ZNF318: variants seen among roughly 807,000 people sequenced by gnomAD.
The protein encoded by ZNF318 is zinc finger protein 318.
In ZNF318, 51 loss-of-function variants were observed where a neutral mutation model predicts 124.2. That is an observed-to-expected ratio of 0.41 (90% CI 0.33 to 0.52). ZNF318 has a LOEUF of 0.52. Among genes scored for constraint, ZNF318 ranks in the 20% least tolerant of loss-of-function variants. The pLI is 0.23. For missense variants in ZNF318, 2,815 were observed against 2,811.2 expected (o/e 1.00, Z -0.03); for synonymous variants, 1,090 against 1,040.7 (o/e 1.05, Z -0.91).
chr6:43,361,559 T>C (rs771940833), intron 2 of ZNF318, among the ~76,000 whole-genome samples: 40 of 152,000 alleles, frequency 2.6e-4, no homozygotes, highest in Non-Finnish European at 5.3e-4. Flanking sequence ...AGCAAGACAT[T>C]GTCTTTTAAA....
chr6:43,339,983 C>T lies in ZNF318; in HGVS notation c.4015G>A (p.Val1339Ile). The T allele has an allele frequency of 1.2e-6, 2 of 1,614,182 alleles. No homozygotes were observed. The highest frequency in any genetic ancestry group is 1.7e-6 in the Non-Finnish European group (2 of 1,180,024). The stretch of plus-strand genomic sequence containing the variant: ...TTAGTCTGTGTGGAAGTTGTCACAA[C>T]AGGCATCCAAGGGCTGGTATGTGCA... ...VVAHTSPWMPVVTTSTQTKIR... is the reference protein window; with the variant it reads ...VVAHTSPWMPIVTTSTQTKIR... Residue 1339 changes from valine to isoleucine, a missense_variant, in exon 10 of 10, where the codon GTT becomes ATT. This residue lies in a region of ZNF318 where 500 missense variants were observed against 605.2 expected (regional missense o/e 0.83). Transcript: ENST00000361428. The surrounding 1 kb of genome is among the most constrained non-coding windows in gnomAD (Gnocchi z 4.2).
intron 3 of ZNF318, 54 bp from the exon 4 acceptor site, chr6:43,356,199 T>C: frequency 6.6e-7 from 1 of 1,524,936 alleles, no homozygotes; most frequent in African/African-American, 1.4e-5. Context: ...AGAACATTAG[T>C]AATTGAGATA....
chr6:43,340,753 A>G (rs1332742340), intron 9 of ZNF318, 37 bp downstream of exon 9: 1 of 1,576,186 alleles, frequency 6.3e-7, no homozygotes, highest in Admixed American at 1.7e-5. Context: ...TTACTTCAGA[A>G]AAGTTGGAAA....
At chr6:43,360,425 A>C (rs2150756411) in intron 2 of ZNF318, among the ~76,000 whole-genome samples, 1 of 152,336 alleles carries the variant, frequency 6.6e-6, no homozygotes, top group African/African-American at 2.4e-5. Context: ...CTATACCCTG[A>C]AAGAGTCCAG....
intron 8 of ZNF318, among the ~76,000 whole-genome samples, 166 bp downstream of exon 8, chr6:43,341,946 A>G (rs1779377922): frequency 6.6e-6 from 1 of 152,146 alleles, no homozygotes; most frequent in Non-Finnish European, 1.5e-5. Flanking sequence ...ATCTCTTTAT[A>G]GCTTCAGGAC....
In ZNF318 at chr6:43,355,671, G is replaced by A. The variant is rs200417475; in HGVS notation, c.1663C>T (p.Leu555Phe). ...ATAACTTCACTCTCAGAGCTCCCAA[G>A]GGGCTTTGGTACGGATTCTGCCTTT... ...DLKAESVPKP[L>F]GSSESEVMRQ... Residue 555 changes from leucine (L) to phenylalanine (F), a missense_variant, in exon 4 of 10, where the codon CTT becomes TTT. By Grantham distance (22) the Leu-to-Phe change is conservative. Transcript: ENST00000361428. The A allele has an allele frequency of 1.2e-6, 2 of 1,614,178 alleles. No individual in the cohort carries two copies. Among genetic ancestry groups the A allele is most frequent in the East Asian group, 4.5e-5 (2 of 44,892 alleles).
Position 43,352,471 on chromosome 6 carries a change from A to G in ZNF318, c.2676T>C (p.Ile892=). 6.2e-7 allele frequency: 1 copy of G among 1,613,786 alleles called. No homozygotes were observed. The highest frequency in any genetic ancestry group is 8.5e-7 in the Non-Finnish European group (1 of 1,179,780). Residue 892 remains isoleucine (I), a synonymous_variant, in exon 5 of 10, where the codon ATT becomes ATC. Transcript: ENST00000361428. The part of the protein sequence containing the change: ...KNRASQKQKV[I]EEREKLKNDR... ...CATTCTTTAGTTTTTCCCTCTCTTC[A>G]ATAACCTGCAAAATACAAAGTGGTA...
rs745799481 is a variant in ZNF318, at chr6:43,339,220, C to T, written c.4778G>A (p.Gly1593Asp). ...TKGAPETKLS[G>D]GPLANGENSN... Reference sequence around the variant, plus strand: ...ATTTTCCCCATTGGCCAATGGACCACCACTTAGCTTAGTCTCAGGGGCCCC... The same window carrying T: ...ATTTTCCCCATTGGCCAATGGACCATCACTTAGCTTAGTCTCAGGGGCCCC... Residue 1593 changes from glycine to aspartate, a missense_variant, in exon 10 of 10, where the codon GGT becomes GAT. Gly to Asp is a moderately conservative substitution (Grantham distance 94, BLOSUM62 -1). Coordinates refer to ENST00000361428, the MANE Select transcript of ZNF318 (RefSeq NM_014345.3). This position sits in a 1 kb window ranked among gnomAD's most constrained non-coding sequence, Gnocchi z 4.2. 4 of 1,614,090 alleles carry T rather than the reference C, an allele frequency of 2.5e-6. No homozygotes were observed. The African/African-American group carries it at 5.3e-5, about 22-fold the overall frequency.
intron 1 of ZNF318, among the ~76,000 whole-genome samples, chr6:43,366,609 C>A (rs1779764484): frequency 6.6e-6 from 1 of 152,146 alleles, no homozygotes; most frequent in African/African-American, 2.4e-5. Context: ...CCAGCCTGGG[C>A]AACATAGTGA....
chr6:43,342,970 T>G, intron 6 of ZNF318, 91 bp from the exon 7 acceptor site: 4,405 of 655,418 alleles, frequency 6.7e-3, no homozygotes, highest in Non-Finnish European at 8.9e-3. Flanking sequence ...ATAATAGAAA[T>G]AGGGCCATAT....
chr6:43,337,555 T>C lies in ZNF318; in HGVS notation c.6443A>G (p.Gln2148Arg). Reference protein sequence around the residue: ...EVKESSQLDKQESLGLELKTI... With the variant: ...EVKESSQLDKRESLGLELKTI... ...TTTTAATTCCAATCCGAGTGACTCT[T>C]GTTTGTCTAATTGGGAAGATTCTTT... The change falls in exon 10 of 10, where the codon CAA becomes CGA. Residue 2148 changes from glutamine (Q) to arginine (R), a missense_variant. Around this residue, in one of 4 missense-constraint regions of ZNF318, gnomAD observed 927 missense variants for 820.6 expected, o/e 1.13. Transcript: ENST00000361428. The C allele has an allele frequency of 6.2e-7, 1 of 1,614,064 alleles. No individual in the cohort carries two copies. The highest frequency in any genetic ancestry group is 1.1e-5 in the South Asian group (1 of 91,078).
intron 8 of ZNF318, among the ~76,000 whole-genome samples, 199 bp downstream of exon 8, chr6:43,341,913 G>A (rs1779377368): frequency 6.6e-6 from 1 of 152,138 alleles, no homozygotes. Flanking sequence ...TTGGCCATAT[G>A]GGTAGAGATC....
chr6:43,352,790 T>G (rs1389447816), intron 4 of ZNF318, among the ~76,000 whole-genome samples: 1 of 152,236 alleles, frequency 6.6e-6, no homozygotes, highest in Non-Finnish European at 1.5e-5. Context: ...ACCATATGTG[T>G]TATAGGTAAG....
chr6:43,355,791 C>T lies in ZNF318; in HGVS notation c.1543G>A (p.Ala515Thr), dbSNP rs1219883993. ...SGFSRILSML[A>T]DSTSTQEKRR... ...TTTTCCTGTGTACTGGTAGAATCAG[C>T]CAACATGCTCAGAATGCGGGAAAAA... The change falls in exon 4 of 10, where the codon GCT (alanine) becomes ACT (threonine). Residue 515 changes from alanine to threonine, a missense_variant. Physicochemically the swap from Ala to Thr is moderately conservative, Grantham distance 58 (BLOSUM62 0). Around this residue, in one of 4 missense-constraint regions of ZNF318, gnomAD observed 1,377 missense variants for 1,353.5 expected, o/e 1.02. Coordinates refer to ENST00000361428, the MANE Select transcript of ZNF318 (RefSeq NM_014345.3). 1 of 1,614,222 alleles carries T rather than the reference C, an allele frequency of 6.2e-7. No individual in the cohort carries two copies. Among genetic ancestry groups the T allele is most frequent in the Non-Finnish European group, 8.5e-7 (1 of 1,180,044 alleles).
chr6:43,351,459 T>C (rs1490308457), intron 5 of ZNF318, among the ~76,000 whole-genome samples: 1 of 152,138 alleles, frequency 6.6e-6, no homozygotes, highest in Non-Finnish European at 1.5e-5. Flanking sequence ...ATCTACAAGT[T>C]ACTTTAAAAA....
rs150928065 is a variant in ZNF318, at chr6:43,366,860, T to TG, written c.400-1421_400-1420insC. Among the ~76,000 whole-genome samples, 268 of 152,224 alleles carry TG rather than the reference T, an allele frequency of 1.8e-3. 1 individual carries two copies. The highest frequency in any genetic ancestry group is 6.2e-3 in the African/African-American group (258 of 41,544). On this transcript the variant is annotated intron_variant, in intron 1 of 9. Coordinates refer to ENST00000361428, the MANE Select transcript of ZNF318 (RefSeq NM_014345.3). ...CCCTTCTCTGCTCTTAGTCCTTTTT[T>TG]TTTTGTTTTGTTTGAGACTTGCTCT...
At chr6:43,354,090 TACATACACAC>T (rs998603667) in intron 4 of ZNF318, among the ~76,000 whole-genome samples, 30 of 151,942 alleles carry the variant, frequency 2.0e-4, no homozygotes, top group African/African-American at 5.3e-4. Context: ...AATATACGTA[TACATACACAC>T]ACATACACAC....
Position 43,357,133 on chromosome 6 carries a change from G to C in ZNF318, c.1181C>G (p.Ser394Cys). 1.2e-6 allele frequency: 2 copies of C among 1,610,758 alleles called. No homozygotes were observed. The highest frequency in any genetic ancestry group is 1.1e-5 in the South Asian group (1 of 90,530). Residue 394 changes from serine to cysteine, a missense_variant, in exon 3 of 10, where the codon TCC (serine) becomes TGC (cysteine). Physicochemically the swap from Ser to Cys is moderately radical, Grantham distance 112. Around this residue, in one of 4 missense-constraint regions of ZNF318, gnomAD observed 1,377 missense variants for 1,353.5 expected, o/e 1.02. Transcript: ENST00000361428. ...AAGAAATGCAGCAGAGACCTGCATG[G>C]AGGGCTCCATTATGTCCACCTCAAT... The part of the protein sequence containing the change: ...KRIEVDIMEP[S>C]MQLESFSSST...
At position 43,355,381 on chromosome 6, in the gene ZNF318, G is replaced by T; in HGVS notation, c.1953C>A (p.Arg651=). Residue 651 remains arginine, a synonymous_variant, in exon 4 of 10, where the codon CGC becomes CGA. Coordinates refer to ENST00000361428, the MANE Select transcript of ZNF318 (RefSeq NM_014345.3). The part of the protein sequence containing the change: ...SADHCSSVDH[R]FSADRCSSVD... The stretch of plus-strand genomic sequence containing the variant: ...CTGAGGAACAGCGGTCAGCTGAGAA[G>T]CGGTGGTCAACTGAGGAACAGTGGT... 1 of 1,614,170 alleles carries T rather than the reference G, an allele frequency of 6.2e-7. No homozygotes were observed. The highest frequency in any genetic ancestry group is 8.5e-7 in the Non-Finnish European group (1 of 1,180,022).
Sources: allele counts gnomAD v4.1 joint callset (sites outside exome capture counted in the v4.1 genomes callset), GRCh38; gene constraint gnomAD v4.1.1; regional missense constraint gnomAD v4.1.1; non-coding constraint Gnocchi (gnomAD v3.1); transcripts MANE v1.5; gene names NCBI Gene and HGNC (gene_info 2026-07-23, HGNC 2026-07-21).